The following KIF26B variants were observed in gnomAD, a reference collection of about 807,000 sequenced individuals.
KIF26B encodes kinesin family member 26B, also known as kinesin-like protein KIF26B.
In KIF26B, 63 loss-of-function variants were observed where a neutral mutation model predicts 151.2. The ratio of observed to expected loss-of-function variants is 0.42; its 90% confidence interval spans 0.34 to 0.51. The LOEUF (loss-of-function observed/expected upper bound fraction) is 0.51. Among genes scored for constraint, KIF26B ranks in the 20% least tolerant of loss-of-function variants. The pLI, the probability that KIF26B is intolerant of heterozygous loss-of-function variation, is 0.07. For missense variants in KIF26B, 2,813 were observed against 2,913.6 expected (o/e 0.97, Z 0.79); for synonymous variants, 1,357 against 1,262.1 (o/e 1.08, Z -1.59).
Position 245,646,131 on chromosome 1 carries a change from T to C in KIF26B, c.2109T>C (p.Gly703=), listed in dbSNP as rs1184042682. Residue 703 remains glycine, a synonymous_variant, in exon 10 of 15, where the codon GGT becomes GGC. Coordinates refer to ENST00000407071, the MANE Select transcript of KIF26B (RefSeq NM_018012.4). ...EKSGKGGMSG[G]RSRLHLIDLG... is the part of the protein sequence containing the mutation. The stretch of plus-strand genomic sequence containing the variant: ...TCTCCCCTGTGGTAGTGTCTGGAGG[T>C]CGCAGCCGCCTGCATCTCATTGATC... The C allele has an allele frequency of 6.2e-7, 1 of 1,613,698 alleles. No homozygotes were observed. Among genetic ancestry groups the C allele is most frequent in the African/African-American group, 1.3e-5 (1 of 74,880 alleles).
At chr1:245,289,750 TCA>T (rs1017581610) in intron 2 of KIF26B, among the ~76,000 whole-genome samples, 1 of 152,202 alleles carries the variant, frequency 6.6e-6, no homozygotes, top group African/African-American at 2.4e-5. Context: ...CTGAGTTTTC[TCA>T]GTTCATTCAA....
rs560961177 is a variant in KIF26B, at chr1:245,686,934, G to A, written c.3951G>A (p.Glu1317=). The A allele has an allele frequency of 2.5e-6, 4 of 1,613,390 alleles. No homozygotes were observed. In the South Asian group the frequency reaches 4.4e-5, roughly 18 times the overall value. Residue 1317 remains glutamate (E), a synonymous_variant, in exon 12 of 15, where the codon GAG becomes GAA. Coordinates refer to ENST00000407071, the MANE Select transcript of KIF26B (RefSeq NM_018012.4). This position sits in a 1 kb window ranked among gnomAD's most constrained non-coding sequence, Gnocchi z 5.6. ...GEAMAEPVAS[E]FVSSLQNTAV... is the part of the protein sequence containing the mutation. ...CAATGGCAGAACCTGTGGCCTCGGA[G>A]TTTGTCAGCAGCCTCCAGAACACCG...
At chr1:245,475,799 C>T (rs759243516) in intron 4 of KIF26B, among the ~76,000 whole-genome samples, 3 of 151,780 alleles carry the variant, frequency 2.0e-5, no homozygotes, top group Non-Finnish European at 2.9e-5. Flanking sequence ...ACAGTCTATA[C>T]GTTGTTTGTG....
intron 2 of KIF26B, among the ~76,000 whole-genome samples, chr1:245,325,899 A>G (rs1038052737): frequency 6.6e-6 from 1 of 152,114 alleles, no homozygotes; most frequent in Non-Finnish European, 1.5e-5. Context: ...AGGCTTGACC[A>G]TCACCTCCCA....
chr1:245,220,068 C>T (rs987960582), intron 2 of KIF26B, among the ~76,000 whole-genome samples: 3 of 152,168 alleles, frequency 2.0e-5, no homozygotes, highest in African/African-American at 4.8e-5. Context: ...AGGAGGGGTC[C>T]TTGCTGGGTG....
chr1:245,270,473 G>A (rs796597440), intron 2 of KIF26B, among the ~76,000 whole-genome samples: 7 of 151,738 alleles, frequency 4.6e-5, no homozygotes, highest in African/African-American at 1.7e-4. Flanking sequence ...AACAGGCATG[G>A]GGTGATACTT....
chr1:245,579,094 G>A (rs1432356075), intron 5 of KIF26B, among the ~76,000 whole-genome samples: 1 of 152,138 alleles, frequency 6.6e-6, no homozygotes, highest in African/African-American at 2.4e-5. Context: ...TTGAATGAAT[G>A]AACAGTAGGG....
Position 245,700,554 on chromosome 1 carries a change from C to T in KIF26B, c.6178+1517C>T, listed in dbSNP as rs181450905. ...CTCTACCAAAAATACAAAAATTAGCCGGGCGTGGTGGCGGGCACCTGTAAT... is the reference window on the plus strand; with the variant it reads ...CTCTACCAAAAATACAAAAATTAGCTGGGCGTGGTGGCGGGCACCTGTAAT... On this transcript the variant is annotated intron_variant, in intron 14 of 14. Transcript: ENST00000407071. Among the ~76,000 whole-genome samples, 218 of 152,178 alleles carry T rather than the reference C, an allele frequency of 1.4e-3. No individual in the cohort carries two copies. In the Middle Eastern group the frequency reaches 0.017, roughly 12 times the overall value.
chr1:245,387,006 G>C (rs1025529642), intron 3 of KIF26B, among the ~76,000 whole-genome samples: 1 of 152,166 alleles, frequency 6.6e-6, no homozygotes, highest in African/African-American at 2.4e-5. Context: ...ATGAAGGCCA[G>C]ATACGAATTC....
intron 2 of KIF26B, among the ~76,000 whole-genome samples, chr1:245,356,151 T>C (rs1350782672): frequency 6.6e-6 from 1 of 152,060 alleles, no homozygotes; most frequent in Non-Finnish European, 1.5e-5. Context: ...CCTAGAGGCT[T>C]TTCTGAACAC....
At chr1:245,240,536 A>C (rs1012243527) in intron 2 of KIF26B, among the ~76,000 whole-genome samples, 2 of 152,204 alleles carry the variant, frequency 1.3e-5, no homozygotes, top group Admixed American at 1.3e-4. Flanking sequence ...ATGTGGAGAA[A>C]TACCACTGCC....
chr1:245,322,274 G>A (rs1298461688), intron 2 of KIF26B, among the ~76,000 whole-genome samples: 2 of 152,092 alleles, frequency 1.3e-5, no homozygotes, highest in East Asian at 1.9e-4. Flanking sequence ...TAATGCATGC[G>A]GGGCTTAAAA....
At chr1:245,491,269 A>G (rs138316264) in intron 4 of KIF26B, among the ~76,000 whole-genome samples, 17 of 152,332 alleles carry the variant, frequency 1.1e-4, no homozygotes, top group African/African-American at 4.1e-4. Flanking sequence ...TCTTGCTGGC[A>G]TCAGTATTTT....
intron 2 of KIF26B, among the ~76,000 whole-genome samples, chr1:245,210,377 C>T (rs1669492921): frequency 6.6e-6 from 1 of 152,172 alleles, no homozygotes; most frequent in Non-Finnish European, 1.5e-5. Context: ...GACAGGCTTG[C>T]GGCTGCTGGA....
intron 2 of KIF26B, among the ~76,000 whole-genome samples, chr1:245,321,894 A>G (rs931519670): frequency 5.9e-5 from 9 of 152,206 alleles, no homozygotes; most frequent in Admixed American, 5.2e-4. Context: ...TAACTCCTGG[A>G]GGCTGGCAGG....
intron 5 of KIF26B, among the ~76,000 whole-genome samples, chr1:245,575,689 G>A (rs567458038): frequency 3.8e-4 from 58 of 152,218 alleles, no homozygotes; most frequent in African/African-American, 1.3e-3. Context: ...ATGTGGGTGA[G>A]AATGTTGGGG....
intron 2 of KIF26B, among the ~76,000 whole-genome samples, chr1:245,162,128 G>A (rs1025109563): frequency 2.0e-5 from 3 of 152,290 alleles, no homozygotes; most frequent in Admixed American, 6.5e-5. Flanking sequence ...TCGGCAGGGC[G>A]GCCAGACCTC....
At chr1:245,475,013 G>T (rs994170287) in intron 4 of KIF26B, among the ~76,000 whole-genome samples, 1 of 151,836 alleles carries the variant, frequency 6.6e-6, no homozygotes, top group Non-Finnish European at 1.5e-5. Context: ...GGTATGAAAG[G>T]TTTTCACTGC....
chr1:245,474,434 T>C (rs1337517326), intron 4 of KIF26B, among the ~76,000 whole-genome samples: 1 of 146,190 alleles, frequency 6.8e-6, no homozygotes, highest in Non-Finnish European at 1.5e-5. Context: ...TTTTTTTTTT[T>C]GGAGTCTCAC....
Sources: gnomAD v4.1 joint callset for allele counts (sites outside exome capture counted in the v4.1 genomes callset) on GRCh38, gnomAD v4.1.1 for gene constraint, Gnocchi (gnomAD v3.1) non-coding constraint, MANE v1.5 for transcripts, NCBI Gene and HGNC (gene_info 2026-07-23, HGNC 2026-07-21) for gene names.